Variants in TNFSF4 observed in about 807,000 individuals in gnomAD.
The protein encoded by TNFSF4 is TNF superfamily member 4, also known as tumor necrosis factor ligand superfamily member 4.
In TNFSF4, 4 loss-of-function variants were observed where a neutral mutation model predicts 7.3. That is an observed-to-expected ratio of 0.55 (90% CI 0.27 to 1.25). The LOEUF is 1.25. TNFSF4 is among the 50% of genes most tolerant of loss of function. TNFSF4 has a pLI of 0.12. For missense variants in TNFSF4, 181 were observed against 208.8 expected (o/e 0.87, Z 0.82); for synonymous variants, 76 against 83.7 (o/e 0.91, Z 0.50).
At chr1:173,364,864 G>GA in the TNFSF4 span, among the ~76,000 whole-genome samples, 3 of 151,620 alleles carry the variant, frequency 2.0e-5, no homozygotes, top group Non-Finnish European at 4.4e-5. Flanking sequence ...ACAATTTTAA[G>GA]AAAAAAATAT....
chr1:173,305,471 C>T, the TNFSF4 span, among the ~76,000 whole-genome samples: 1 of 151,858 alleles, frequency 6.6e-6, no homozygotes, highest in Admixed American at 6.6e-5. Context: ...GAAAGGCAGG[C>T]TTGGCCCACG....
chr1:173,358,736 T>A, the TNFSF4 span, among the ~76,000 whole-genome samples: 1 of 152,242 alleles, frequency 6.6e-6, no homozygotes, highest in South Asian at 2.1e-4. Context: ...GACTGAATGA[T>A]CTTTACTCAT....
At chr1:173,198,031 G>GA (rs201257703) in intron 1 of TNFSF4, among the ~76,000 whole-genome samples, 2 of 149,984 alleles carry the variant, frequency 1.3e-5, no homozygotes, top group Admixed American at 6.6e-5. Flanking sequence ...ATGTAGAGAA[G>GA]AAAAAAAAAG....
chr1:173,410,591 C>T, the TNFSF4 span, among the ~76,000 whole-genome samples: 98,024 of 152,048 alleles, frequency 0.64, 32,902 homozygotes, highest in Middle Eastern at 0.76. Context: ...ATTCAAAAGA[C>T]ATTTAAAGGG....
At chr1:173,178,146 G>A in the TNFSF4 span, among the ~76,000 whole-genome samples, 2 of 151,960 alleles carry the variant, frequency 1.3e-5, no homozygotes, top group African/African-American at 4.8e-5. Flanking sequence ...CCTTATTTTT[G>A]TAAAAATCAC....
the TNFSF4 span, among the ~76,000 whole-genome samples, chr1:173,245,541 A>T: frequency 6.6e-6 from 1 of 152,158 alleles, no homozygotes; most frequent in Non-Finnish European, 1.5e-5. Context: ...CATAATGATT[A>T]CTCAGGGTAT....
the TNFSF4 span, among the ~76,000 whole-genome samples, chr1:173,312,704 G>A: frequency 3.3e-5 from 5 of 152,054 alleles, no homozygotes; most frequent in African/African-American, 9.7e-5. Context: ...AGACAGTTAA[G>A]TCTGTCATAT....
the TNFSF4 span, among the ~76,000 whole-genome samples, chr1:173,450,156 T>C: frequency 1.3e-5 from 2 of 152,142 alleles, no homozygotes; most frequent in Non-Finnish European, 2.9e-5. Flanking sequence ...AAAAGCTGTT[T>C]GTAAATTTGA....
chr1:173,244,651 C>A, the TNFSF4 span, among the ~76,000 whole-genome samples: 75,002 of 136,186 alleles, frequency 0.55, 22,751 homozygotes, highest in African/African-American at 0.82. Context: ...CAAAAAAAAA[C>A]AAAAAACAAA....
chr1:173,268,052 C>T, the TNFSF4 span, among the ~76,000 whole-genome samples: 1 of 152,084 alleles, frequency 6.6e-6, no homozygotes, highest in Admixed American at 6.6e-5. Context: ...CTGAATCCTG[C>T]ACCTGACAAA....
the TNFSF4 span, among the ~76,000 whole-genome samples, chr1:173,174,833 A>T: frequency 6.6e-6 from 1 of 152,156 alleles, no homozygotes; most frequent in Non-Finnish European, 1.5e-5. Flanking sequence ...CATATGGCCA[A>T]TGTCACTTCT....
At chr1:173,311,166 C>A in the TNFSF4 span, among the ~76,000 whole-genome samples, 1 of 151,902 alleles carries the variant, frequency 6.6e-6, no homozygotes, top group Admixed American at 6.6e-5. Context: ...CATTCCTCTT[C>A]TGTGTTCTTT....
chr1:173,336,681 T>C, the TNFSF4 span, among the ~76,000 whole-genome samples: 2 of 152,192 alleles, frequency 1.3e-5, no homozygotes, highest in Non-Finnish European at 2.9e-5. Context: ...GATGACATTA[T>C]GCCAATTGGA....
the TNFSF4 span, among the ~76,000 whole-genome samples, chr1:173,266,343 G>A: frequency 4.2e-4 from 64 of 152,152 alleles, no homozygotes; most frequent in Admixed American, 1.6e-3. Flanking sequence ...ACTACACCAC[G>A]AAAATACAGC....
the TNFSF4 span, among the ~76,000 whole-genome samples, chr1:173,242,540 G>T: frequency 6.6e-6 from 1 of 152,188 alleles, no homozygotes; most frequent in African/African-American, 2.4e-5. Flanking sequence ...TGACCTATGA[G>T]TATGTCACCT....
downstream of TNFSF4, among the ~76,000 whole-genome samples, chr1:173,181,580 C>A (rs1649055883): frequency 6.6e-6 from 1 of 152,146 alleles, no homozygotes; most frequent in Non-Finnish European, 1.5e-5. Context: ...CCAGATTTCT[C>A]AAGGGCTCTG....
chr1:173,368,545 A>C, the TNFSF4 span, among the ~76,000 whole-genome samples: 4 of 152,100 alleles, frequency 2.6e-5, no homozygotes, highest in East Asian at 5.8e-4. Context: ...GACTAAAGAC[A>C]CGGGTGTCAG....
the TNFSF4 span, among the ~76,000 whole-genome samples, chr1:173,290,674 C>T: frequency 1.3e-5 from 2 of 152,074 alleles, no homozygotes; most frequent in Admixed American, 6.6e-5. Context: ...AGCAGATCAT[C>T]GAGACAGAAA....
the TNFSF4 span, among the ~76,000 whole-genome samples, chr1:173,340,836 G>A: frequency 1.6e-3 from 237 of 152,226 alleles, 1 homozygote; most frequent in African/African-American, 5.4e-3. Context: ...TGCCCTGTCT[G>A]TGAGTGCTGC....
Sources: allele counts gnomAD v4.1 joint callset (sites outside exome capture counted in the v4.1 genomes callset), GRCh38; gene constraint gnomAD v4.1.1; transcripts MANE v1.5; gene names NCBI Gene and HGNC (gene_info 2026-07-23, HGNC 2026-07-21).